Variants in PKD1L1 observed in about 807,000 individuals in gnomAD.
The protein encoded by PKD1L1 is polycystin-1-like protein 1.
Under a neutral mutation model 323.4 loss-of-function variants are expected in PKD1L1, and 236 were observed. The ratio of observed to expected loss-of-function variants is 0.73; its 90% confidence interval spans 0.66 to 0.81. The LOEUF is 0.81. Ranked by LOEUF, PKD1L1 falls within the 40% of genes least tolerant of loss-of-function variation. The pLI, the probability that PKD1L1 is intolerant of heterozygous loss-of-function variation, is 0.00. For missense variants in PKD1L1, 3,320 were observed against 3,508.0 expected, an observed-to-expected ratio of 0.95 and a Z score of 1.35; for synonymous variants, 1,344 against 1,335.0, an observed-to-expected ratio of 1.01 and a Z score of -0.15.
chr7:47,873,912 G>A lies in PKD1L1; in HGVS notation c.3883C>T (p.Leu1295=), dbSNP rs62447063. Residue 1295 remains leucine, a synonymous_variant, in exon 24 of 57, where the codon CTG becomes TTG. Transcript: ENST00000289672. ...TGTGTTACTCACAGGTCCTCGCCCAGACAGTCATTTCCATGGTAGCGGGGC... is the reference window on the plus strand; with the variant it reads ...TGTGTTACTCACAGGTCCTCGCCCAAACAGTCATTTCCATGGTAGCGGGGC... The part of the protein sequence containing the change: ...VLPRYHGNDC[L]GEDLYNSSLK... 1.2e-6 allele frequency: 2 copies of A among 1,613,632 alleles called. No homozygotes were observed. The highest frequency in any genetic ancestry group is 2.2e-5 in the East Asian group (1 of 44,878).
chr7:47,848,674 G>A (rs921500633), intron 31 of PKD1L1, among the ~76,000 whole-genome samples: 1 of 152,034 alleles, frequency 6.6e-6, no homozygotes, highest in East Asian at 1.9e-4. Context: ...GTGTGGTGGC[G>A]CATGCCTGTA....
chr7:47,821,646 GTTTA>G (rs71006528), intron 45 of PKD1L1, among the ~76,000 whole-genome samples: 22,366 of 150,872 alleles, frequency 0.15, 2,267 homozygotes, highest in East Asian at 0.43. Flanking sequence ...GTGTGTTGGG[GTTTA>G]TTTATTTATT....
At chr7:47,823,086 A>G (rs902779338) in intron 45 of PKD1L1, among the ~76,000 whole-genome samples, 1 of 152,118 alleles carries the variant, frequency 6.6e-6, no homozygotes, top group Non-Finnish European at 1.5e-5. Context: ...ATTGGCTAGG[A>G]CTTCCAATGT....
intron 7 of PKD1L1, among the ~76,000 whole-genome samples, chr7:47,928,830 G>A (rs1465686234): frequency 6.6e-6 from 1 of 152,016 alleles, no homozygotes; most frequent in Non-Finnish European, 1.5e-5. Flanking sequence ...GTGTGTGCAT[G>A]AGCTTGAAGG....
intron 5 of PKD1L1, 86 bp from the exon 6 acceptor site, chr7:47,931,407 T>C: frequency 7.1e-7 from 1 of 1,413,100 alleles, no homozygotes; most frequent in Non-Finnish European, 9.7e-7. Flanking sequence ...AAAAAGCCAA[T>C]TTAACAAACA....
Position 47,931,149 on chromosome 7 carries a change from C to T in PKD1L1, c.692G>A (p.Arg231Gln), listed in dbSNP as rs147443463. The change falls in exon 6 of 57, where the codon CGA becomes CAA. Residue 231 changes from arginine (R) to glutamine (Q), a missense_variant. Arg to Gln is a conservative substitution (Grantham distance 43). Transcript: ENST00000289672. ...ATGTGAAATCGGCCACAGGGGCACT[C>T]GCTGGGAGCTGGTCTGAGTGGGTCT... ...VARPTQTSSQ[R>Q]VPLWPISHFP... The T allele has an allele frequency of 2.7e-5, 44 of 1,614,198 alleles. No individual in the cohort carries two copies. The highest frequency in any genetic ancestry group is 2.1e-4 in the African/African-American group (16 of 75,044).
intron 8 of PKD1L1, among the ~76,000 whole-genome samples, chr7:47,913,389 G>T (rs1787363241): frequency 6.6e-6 from 1 of 152,170 alleles, no homozygotes; most frequent in Non-Finnish European, 1.5e-5. Context: ...ATTTGGATCT[G>T]TGCCCCCACC....
the PKD1L1 span, among the ~76,000 whole-genome samples, chr7:47,957,854 TA>T: frequency 0.043 from 5,128 of 118,076 alleles, 226 homozygotes; most frequent in East Asian, 0.13. Flanking sequence ...ACAATACAAT[TA>T]AAAAAAAATA....
rs985781609 is a variant in PKD1L1 at position 47,888,338 on chromosome 7, C to T, written c.2676-188G>A. On this transcript the variant is annotated intron_variant, in intron 16 of 56. Coordinates refer to ENST00000289672, the MANE Select transcript of PKD1L1 (RefSeq NM_138295.5). ...AACACTGTGCCAAGCTCGACACTCA[C>T]GTGATCTGCTCTAACACTGTGAGAT... 2.0e-5 allele frequency among the ~76,000 whole-genome samples: 3 copies of T among 152,246 alleles called. No homozygotes were observed. In the South Asian group the frequency reaches 6.2e-4, roughly 31 times the overall value.
intron 45 of PKD1L1, among the ~76,000 whole-genome samples, chr7:47,822,145 C>T (rs1785154823): frequency 6.6e-6 from 1 of 152,230 alleles, no homozygotes; most frequent in Admixed American, 6.5e-5. Flanking sequence ...ATCATGCTGC[C>T]TTGGTTTCTG....
At chr7:47,838,456 T>C (rs1341524651) in intron 36 of PKD1L1, among the ~76,000 whole-genome samples, 2 of 152,170 alleles carry the variant, frequency 1.3e-5, no homozygotes, top group Non-Finnish European at 2.9e-5. Context: ...ATTACCATAA[T>C]AAATGAAAGA....
rs770654783 is a variant in PKD1L1 at position 47,834,969 on chromosome 7, T to G, written c.6125A>C (p.His2042Pro). Residue 2042 changes from histidine to proline, a missense_variant and splice_region_variant, in exon 39 of 57, where the codon CAT becomes CCT. Coordinates refer to ENST00000289672, the MANE Select transcript of PKD1L1 (RefSeq NM_138295.5). The part of the protein sequence containing the change: ...LRGGAQTEAP[H>P]GPNSWGRIPD... ...TGAGAGTTTTAATGTACATTTACCA[T>G]GGGGTGCCTCGGTCTGTGCTCCTCC... is the stretch of plus-strand genomic sequence containing the variant. 11 of 1,613,212 alleles carry G rather than the reference T, an allele frequency of 6.8e-6. No homozygotes were observed. The highest frequency in any genetic ancestry group is 8.5e-6 in the Non-Finnish European group (10 of 1,179,388).
intron 46 of PKD1L1, among the ~76,000 whole-genome samples, chr7:47,818,371 C>T (rs1203737437): frequency 6.6e-6 from 1 of 152,148 alleles, no homozygotes; most frequent in Non-Finnish European, 1.5e-5. Context: ...GATGATTTGA[C>T]GACAAACATT....
intron 56 of PKD1L1, among the ~76,000 whole-genome samples, chr7:47,784,013 G>A (rs568237275): frequency 1.5e-4 from 23 of 152,318 alleles, no homozygotes; most frequent in Non-Finnish European, 2.8e-4. Context: ...TGTGTTCACA[G>A]TCATACAGAA....
chr7:47,868,528 A>G (rs1185793093), intron 24 of PKD1L1, among the ~76,000 whole-genome samples: 1 of 152,228 alleles, frequency 6.6e-6, no homozygotes. Context: ...ATTAGCATAC[A>G]TTAAAAGCAA....
intron 8 of PKD1L1, among the ~76,000 whole-genome samples, chr7:47,911,680 T>A (rs951038870): frequency 9.2e-5 from 14 of 152,154 alleles, no homozygotes; most frequent in Admixed American, 7.9e-4. Context: ...GTAGCTAGCA[T>A]GTTCAGAATA....
At chr7:47,933,275 C>T (rs1787807121) in intron 4 of PKD1L1, among the ~76,000 whole-genome samples, 1 of 152,158 alleles carries the variant, frequency 6.6e-6, no homozygotes, top group Admixed American at 6.5e-5. Flanking sequence ...AATGTATAGC[C>T]AATCACTGAC....
chr7:47,893,938 G>A lies in PKD1L1; in HGVS notation c.2393C>T (p.Ser798Phe), dbSNP rs780459807. The change falls in exon 15 of 57, where the codon TCC (serine) becomes TTC (phenylalanine). Residue 798 changes from serine (S) to phenylalanine (F), a missense_variant. Coordinates refer to ENST00000289672, the MANE Select transcript of PKD1L1 (RefSeq NM_138295.5). ...THLFFSRTTS[S>F]PIVLRGTQSF... ...CTGGGTCCCTCTGAGGACAATGGGG[G>A]ATGAGGTGGTCCTGGAGAAGAATAG... is the stretch of plus-strand genomic sequence containing the variant. The A allele has an allele frequency of 1.9e-6, 3 of 1,614,106 alleles. No individual in the cohort carries two copies. Among genetic ancestry groups the A allele is most frequent in the South Asian group, 1.1e-5 (1 of 91,066 alleles).
At chr7:47,949,368 C>CAAAAAAAAAAAAAAAAAAAAA (rs58131581), upstream of PKD1L1, among the ~76,000 whole-genome samples, 3 of 57,146 alleles carry the variant, frequency 5.2e-5, no homozygotes, top group Admixed American at 2.6e-4. Context: ...GGCTCTGTCT[C>CAAAAAAAAAAAAAAAAAAAAA]AAAAAAAAAA....
Sources: allele counts gnomAD v4.1 joint callset (sites outside exome capture counted in the v4.1 genomes callset), GRCh38; gene constraint gnomAD v4.1.1; transcripts MANE v1.5; gene names NCBI Gene and HGNC (gene_info 2026-07-23, HGNC 2026-07-21).